Variants in IL10RB observed in about 807,000 individuals in gnomAD.
IL10RB encodes the protein interleukin-10 receptor subunit beta.
In IL10RB, 30 loss-of-function variants were observed where a neutral mutation model predicts 38.7. That is an observed-to-expected ratio of 0.78 (90% CI 0.58 to 1.05). IL10RB has a LOEUF of 1.05. IL10RB is among the 50% of genes least tolerant of loss of function. The pLI, the probability that IL10RB is intolerant of heterozygous loss-of-function variation, is 0.00. For missense variants in IL10RB, 328 were observed against 397.1 expected (o/e 0.83, Z 1.48); for synonymous variants, 142 against 145.9 (o/e 0.97, Z 0.19).
chr21:33,293,129 A>T (rs1310472890), intron 6 of IL10RB, among the ~76,000 whole-genome samples: 1 of 152,192 alleles, frequency 6.6e-6, no homozygotes, highest in Non-Finnish European at 1.5e-5. Flanking sequence ...AATATCACAG[A>T]TGTGGCAGGT....
intron 6 of IL10RB, among the ~76,000 whole-genome samples, chr21:33,291,412 C>T (rs1275396886): frequency 5.3e-5 from 8 of 152,128 alleles, no homozygotes; most frequent in African/African-American, 1.4e-4. Context: ...ATTACAGGTG[C>T]CCTCCACCAC....
Position 33,280,058 on chromosome 21 carries a change from C to T in IL10RB, c.498+140C>T, listed in dbSNP as rs8178492. 8,506 of 776,954 alleles carry T rather than the reference C, an allele frequency of 0.011. 400 individuals are homozygous for T. The African/African-American group carries it at 0.11, about 10-fold the overall frequency. The allele number at this position is 776,954 out of a possible 1,614,324, so 48.1% of individuals were successfully genotyped here. A position where few individuals can be genotyped will look rare whatever the true frequency, so the allele number is the denominator to read the frequency against. On this transcript the variant is annotated intron_variant, in intron 4 of 6. Transcript: ENST00000290200. ...TGAGGGGTTACTGGTATCTCTGGCTCAAGCTTCCCAGACTCCTAAGGGATA... is the reference window on the plus strand; with the variant it reads ...TGAGGGGTTACTGGTATCTCTGGCTTAAGCTTCCCAGACTCCTAAGGGATA...
rs1237614289 is a variant in IL10RB at position 33,282,535 on chromosome 21, C to CA, written c.499-551dup. Among the ~76,000 whole-genome samples, 13 of 151,454 alleles carry CA rather than the reference C, an allele frequency of 8.6e-5. No individual in the cohort carries two copies. In the East Asian group the frequency reaches 1.5e-3, roughly 18 times the overall value. ...GGACGACAAGAGTGAAACTCCATCT[C>CA]AAAAAAAATAATAATTAAAAGACCA... On this transcript the variant is annotated intron_variant, in intron 4 of 6. Coordinates refer to ENST00000290200, the MANE Select transcript of IL10RB (RefSeq NM_000628.5).
At chr21:33,268,551 C>T (rs374054445) in intron 2 of IL10RB, 34 bp downstream of exon 2, 28 of 1,480,494 alleles carry the variant, frequency 1.9e-5, no homozygotes, top group African/African-American at 5.5e-5. Context: ...AGGAACGCAC[C>T]GGAGGAGCCA....
intron 2 of IL10RB, among the ~76,000 whole-genome samples, chr21:33,274,149 A>G (rs997714244): frequency 5.9e-5 from 9 of 152,120 alleles, no homozygotes; most frequent in Admixed American, 2.0e-4. Flanking sequence ...TGGCAGCTAT[A>G]ACTTTACAAA....
intron 2 of IL10RB, among the ~76,000 whole-genome samples, chr21:33,273,025 G>A (rs527642927): frequency 1.3e-4 from 20 of 152,252 alleles, no homozygotes; most frequent in Non-Finnish European, 2.6e-4. Flanking sequence ...GGACAGTCAC[G>A]GGTCACTTAA....
Position 33,266,632 on chromosome 21 carries a change from G to A in IL10RB, c.49+118G>A, listed in dbSNP as rs8178438. On this transcript the variant is annotated intron_variant, in intron 1 of 6. Coordinates refer to ENST00000290200, the MANE Select transcript of IL10RB (RefSeq NM_000628.5). ...CTTAAGAGCCTTCGGGGCCTCGGGA[G>A]AGAAGATGCAAACGCCACGGCCGGC... 3,515 of 1,010,586 alleles carry A rather than the reference G, an allele frequency of 3.5e-3. 78 individuals are homozygous for A. The African/African-American group carries it at 0.047, about 14-fold the overall frequency. The allele number at this position is 1,010,586 out of a possible 1,614,324, so 62.6% of individuals were successfully genotyped here.
downstream of IL10RB, among the ~76,000 whole-genome samples, chr21:33,299,107 C>T (rs2082978726): frequency 6.6e-6 from 1 of 152,108 alleles, no homozygotes; most frequent in Admixed American, 6.5e-5. Flanking sequence ...CCCGGAAACC[C>T]ACTCGGACCC....
intron 6 of IL10RB, among the ~76,000 whole-genome samples, chr21:33,292,251 G>T: frequency 6.6e-6 from 1 of 152,172 alleles, no homozygotes; most frequent in Middle Eastern, 3.2e-3. Flanking sequence ...CCACATAAAG[G>T]TGATGATCAG....
downstream of IL10RB, among the ~76,000 whole-genome samples, chr21:33,301,584 G>A (rs573096585): frequency 1.3e-5 from 2 of 152,332 alleles, no homozygotes; most frequent in South Asian, 2.1e-4. Context: ...TCTGCCTGGG[G>A]CCTGCCTGCT....
At chr21:33,271,260 A>G (rs952128624) in intron 2 of IL10RB, among the ~76,000 whole-genome samples, 1 of 152,240 alleles carries the variant, frequency 6.6e-6, no homozygotes, top group African/African-American at 2.4e-5. Context: ...ATTGCACAGC[A>G]CAAACTCTCT....
rs1185256963 is a variant in IL10RB at position 33,297,028 on chromosome 21, G to A, written c.*671G>A. ...GAATAAGAATGGAGATGTTACATCT[G>A]GTAGATGTAACATTCTACCAGATTA... On this transcript the variant is annotated 3_prime_UTR_variant, in exon 7 of 7. Coordinates refer to ENST00000290200, the MANE Select transcript of IL10RB (RefSeq NM_000628.5). 5.8e-6 allele frequency: 1 copy of A among 171,694 alleles called. No individual in the cohort carries two copies. The highest frequency in any genetic ancestry group is 1.3e-5 in the Non-Finnish European group (1 of 79,680). The allele number at this position is 171,694 out of a possible 1,614,324, so 10.6% of individuals were successfully genotyped here. A position where few individuals can be genotyped will look rare whatever the true frequency, so the allele number is the denominator to read the frequency against.
At chr21:33,270,567 T>C (rs1301287017) in intron 2 of IL10RB, among the ~76,000 whole-genome samples, 1 of 151,548 alleles carries the variant, frequency 6.6e-6, no homozygotes, top group Non-Finnish European at 1.5e-5. Context: ...GTAGAGACAC[T>C]GTTTCACCGT....
chr21:33,301,691 G>A (rs113117302), downstream of IL10RB, among the ~76,000 whole-genome samples: 67 of 152,326 alleles, frequency 4.4e-4, 2 homozygotes, highest in Middle Eastern at 3.4e-3. Context: ...CCTATGTGCA[G>A]GTCTTGTTCT....
intron 3 of IL10RB, among the ~76,000 whole-genome samples, chr21:33,278,277 C>G (rs762876656): frequency 6.6e-6 from 1 of 152,032 alleles, no homozygotes; most frequent in South Asian, 2.1e-4. Flanking sequence ...CTGCTCTGGA[C>G]CCCCATGACC....
At chr21:33,294,369 T>TTG (rs777911309) in intron 6 of IL10RB, among the ~76,000 whole-genome samples, 4,801 of 132,700 alleles carry the variant, frequency 0.036, 194 homozygotes, top group African/African-American at 0.12. Flanking sequence ...AGCCACCAGT[T>TTG]TGTGTGTGTG....
chr21:33,302,786 C>T (rs1035316310), intron 1 of IL10RB, among the ~76,000 whole-genome samples: 4 of 152,200 alleles, frequency 2.6e-5, no homozygotes, highest in Non-Finnish European at 4.4e-5. Context: ...TGATATTACA[C>T]CACCATGGTA....
chr21:33,287,924 T>C (rs1206251387), intron 5 of IL10RB, among the ~76,000 whole-genome samples, 180 bp from the exon 6 acceptor site: 1 of 152,148 alleles, frequency 6.6e-6, no homozygotes, highest in Non-Finnish European at 1.5e-5. Context: ...TTGGAGAAGA[T>C]AGGAAAAGGG....
chr21:33,299,163 T>A (rs1166870794), downstream of IL10RB, among the ~76,000 whole-genome samples: 1 of 152,208 alleles, frequency 6.6e-6, no homozygotes, highest in African/African-American at 2.4e-5. Context: ...TCTTCTTTCT[T>A]TCAACTATTG....
Sources: gnomAD v4.1 joint callset for allele counts (sites outside exome capture counted in the v4.1 genomes callset) on GRCh38, gnomAD v4.1.1 for gene constraint, MANE v1.5 for transcripts, NCBI Gene and HGNC (gene_info 2026-07-23, HGNC 2026-07-21) for gene names.